The following HAPLN3 variants were observed in gnomAD, a reference collection of about 807,000 sequenced individuals.
HAPLN3 encodes extracellular link domain containing, 1.
In HAPLN3, 28 loss-of-function variants were observed where a neutral mutation model predicts 28.1. The ratio of observed to expected loss-of-function variants is 1.00; its 90% confidence interval spans 0.74 to 1.37. The LOEUF (loss-of-function observed/expected upper bound fraction) is 1.37. HAPLN3 is among the 40% of genes most tolerant of loss of function. The pLI, the probability that HAPLN3 is intolerant of heterozygous loss-of-function variation, is 0.00. For synonymous variants in HAPLN3, 211 were observed against 213.1 expected (o/e 0.99, Z 0.09); for missense variants, 513 against 504.6 (o/e 1.02, Z -0.16).
chr15:88,892,875 C>T (rs1026687058), intron 1 of HAPLN3: 12 of 1,296,286 alleles, frequency 9.3e-6, no homozygotes, highest in Non-Finnish European at 1.3e-5. Context: ...GATGGGTAGC[C>T]TCTGCTCCCC....
At chr15:88,883,417 C>T (rs188943427) in intron 2 of HAPLN3, among the ~76,000 whole-genome samples, 2 of 152,326 alleles carry the variant, frequency 1.3e-5, no homozygotes, top group East Asian at 3.9e-4. Flanking sequence ...TCAGCTTCCC[C>T]ATTTGTAGAA....
chr15:88,894,118 A>T (rs1165549874), intron 1 of HAPLN3, among the ~76,000 whole-genome samples: 1 of 152,174 alleles, frequency 6.6e-6, no homozygotes, highest in Non-Finnish European at 1.5e-5. Flanking sequence ...GTGAAGTCTT[A>T]CACCATCTCA....
chr15:88,892,873 GCCTCTGCTCCCCTAC>G, intron 1 of HAPLN3: 1 of 1,277,058 alleles, frequency 7.8e-7, no homozygotes, highest in Non-Finnish European at 1.1e-6. Context: ...GGGATGGGTA[GCCTCTGCTCCCCTAC>G]CATGGCTATC....
Position 88,877,644 on chromosome 15 carries a change from C to T in HAPLN3, c.*326G>A, listed in dbSNP as rs983655704. 7 of 250,292 alleles carry T rather than the reference C, an allele frequency of 2.8e-5. No individual in the cohort carries two copies. Among genetic ancestry groups the T allele is most frequent in the African/African-American group, 9.0e-5 (4 of 44,314 alleles). 15.5% of individuals were successfully genotyped at this position (250,292 alleles called of 1,614,324 possible). On this transcript the variant is annotated 3_prime_UTR_variant, in exon 5 of 5. Coordinates refer to ENST00000359595, the MANE Select transcript of HAPLN3 (RefSeq NM_178232.4). This position sits in a 1 kb window ranked among gnomAD's most constrained non-coding sequence, Gnocchi z 5.1. ...GTGCCCACCATGCCCGGACTCCCGG[C>T]GGCATTCTAGACAGGCCACCGCCCA...
At position 88,879,328 on chromosome 15, in the gene HAPLN3, C is replaced by A; in HGVS notation, c.494-59G>T. Reference sequence around the variant, plus strand: ...GCCAGGGGCCCAGCTGGCTGGACACCCCGCTCTCCTCCCACCTTCACTGGG... The same window carrying A: ...GCCAGGGGCCCAGCTGGCTGGACACACCGCTCTCCTCCCACCTTCACTGGG... On this transcript the variant is annotated intron_variant, in intron 3 of 4. Coordinates refer to ENST00000359595, the MANE Select transcript of HAPLN3 (RefSeq NM_178232.4). This position sits in a 1 kb window ranked among gnomAD's most constrained non-coding sequence, Gnocchi z 5.0. The A allele has an allele frequency of 6.3e-7, 1 of 1,598,216 alleles. No individual in the cohort carries two copies. Among genetic ancestry groups the A allele is most frequent in the South Asian group, 1.1e-5 (1 of 90,638 alleles).
intron 1 of HAPLN3, among the ~76,000 whole-genome samples, chr15:88,887,761 T>C (rs374215944): frequency 1.3e-5 from 2 of 151,958 alleles, no homozygotes; most frequent in East Asian, 1.9e-4. Flanking sequence ...GTTGGGAGTT[T>C]GAGGCCAGCC....
At position 88,877,949 on chromosome 15, in the gene HAPLN3, G is replaced by A. The variant is rs377077889; in HGVS notation, c.*21C>T. Reference sequence around the variant, plus strand: ...AAATACACAGCCAGTGAGGGAATGCGGCAGGGGAGGGCCCCAGGTCCTAGT... The same window carrying A: ...AAATACACAGCCAGTGAGGGAATGCAGCAGGGGAGGGCCCCAGGTCCTAGT... On this transcript the variant is annotated 3_prime_UTR_variant, in exon 5 of 5. Transcript: ENST00000359595. The surrounding 1 kb of genome is among the most constrained non-coding windows in gnomAD (Gnocchi z 5.1). 25 of 1,567,028 alleles carry A rather than the reference G, an allele frequency of 1.6e-5. No homozygotes were observed. Among genetic ancestry groups the A allele is most frequent in the Admixed American group, 3.7e-5 (2 of 53,908 alleles).
At chr15:88,883,905 C>T (rs1174123978) in intron 2 of HAPLN3, among the ~76,000 whole-genome samples, 1 of 151,904 alleles carries the variant, frequency 6.6e-6, no homozygotes, top group African/African-American at 2.4e-5. Flanking sequence ...CGGTGAAGCC[C>T]CATCTCTACT....
At chr15:88,878,859 A>C in intron 4 of HAPLN3, 108 bp downstream of exon 4, 1 of 1,218,620 alleles carries the variant, frequency 8.2e-7, no homozygotes, top group South Asian at 1.6e-5. Flanking sequence ...TCCAGGTGGC[A>C]GTACCAGCAG....
chr15:88,892,045 G>A (rs1898025915), intron 1 of HAPLN3, among the ~76,000 whole-genome samples: 1 of 152,168 alleles, frequency 6.6e-6, no homozygotes, highest in Non-Finnish European at 1.5e-5. Flanking sequence ...GTGAGAAAGG[G>A]CTTCCTAAGG....
chr15:88,887,289 A>G lies in HAPLN3; in HGVS notation c.10T>C (p.Leu4=). The part of the protein sequence containing the change: MGL[L]LLVPLLLLPG... ...AGCAGGAGCAACGGGACCAGGAGCA[A>G]CAGGCCCATCTCCTCATGCCAGGGT... is the stretch of plus-strand genomic sequence containing the variant. Residue 4 remains leucine, a synonymous_variant, in exon 2 of 5, where the codon TTG becomes CTG. Coordinates refer to ENST00000359595, the MANE Select transcript of HAPLN3 (RefSeq NM_178232.4). 2 of 1,614,082 alleles carry G rather than the reference A, an allele frequency of 1.2e-6. No homozygotes were observed. The highest frequency in any genetic ancestry group is 1.7e-5 in the Admixed American group (1 of 60,008).
intron 2 of HAPLN3, among the ~76,000 whole-genome samples, chr15:88,883,865 G>A (rs1327951103): frequency 1.3e-5 from 2 of 151,404 alleles, no homozygotes; most frequent in African/African-American, 4.9e-5. Flanking sequence ...ATCACTTGAG[G>A]CCACGAGTTC....
chr15:88,880,183 C>T lies in HAPLN3; in HGVS notation c.494-914G>A, dbSNP rs762519823. On this transcript the variant is annotated intron_variant, in intron 3 of 4. Transcript: ENST00000359595. The surrounding 1 kb of genome is among the most constrained non-coding windows in gnomAD (Gnocchi z 6.0). ...AGGGGGACTATTTCATGCCTGGTTC[C>T]ACCCCAAATTCCTAGCCCTTGAAGC... 45 of 994,844 alleles carry T rather than the reference C, an allele frequency of 4.5e-5. No homozygotes were observed. Among genetic ancestry groups the T allele is most frequent in the Non-Finnish European group, 5.1e-5 (43 of 836,212 alleles). The allele number at this position is 994,844 out of a possible 1,614,324, so 61.6% of individuals were successfully genotyped here.
Position 88,887,178 on chromosome 15 carries a change from T to C in HAPLN3, c.121A>G (p.Lys41Glu). 1 of 1,614,136 alleles carries C rather than the reference T, an allele frequency of 6.2e-7. No homozygotes were observed. The highest frequency in any genetic ancestry group is 8.5e-7 in the Non-Finnish European group (1 of 1,180,020). The change falls in exon 2 of 5, where the codon AAA becomes GAA. Residue 41 changes from lysine (K) to glutamate (E), a missense_variant. Lys to Glu is a moderately conservative substitution (Grantham distance 56). Coordinates refer to ENST00000359595, the MANE Select transcript of HAPLN3 (RefSeq NM_178232.4). ...CCGGGTGCAGGAGGTCGCCTACCTTTGCCATGACCGTTGCCTAGGTTCTGG... is the reference window on the plus strand; with the variant it reads ...CCGGGTGCAGGAGGTCGCCTACCTTCGCCATGACCGTTGCCTAGGTTCTGG... ...NDQNLGNGHGKDLLNGVKLVV... is the reference protein window; with the variant it reads ...NDQNLGNGHGEDLLNGVKLVV...
rs550358623 is a variant in HAPLN3, at chr15:88,877,997, G to A, written c.1056C>T (p.Tyr352=). ...AGTGCTGGCGGTAGCAGTAAACACCGTACAAGCGGCTCTGCGGGTCGGGGA... is the reference window on the plus strand; with the variant it reads ...AGTGCTGGCGGTAGCAGTAAACACCATACAAGCGGCTCTGCGGGTCGGGGA... ...FGFPDPQSRL[Y]GVYCYRQH is the part of the protein sequence containing the mutation. Residue 352 remains tyrosine, a synonymous_variant, in exon 5 of 5, where the codon TAC becomes TAT. Transcript: ENST00000359595. This position sits in a 1 kb window ranked among gnomAD's most constrained non-coding sequence, Gnocchi z 5.1. 91 of 1,612,708 alleles carry A rather than the reference G, an allele frequency of 5.6e-5. 1 individual carries two copies. In the East Asian group the frequency reaches 1.3e-3, roughly 23 times the overall value.
Position 88,880,645 on chromosome 15 carries a change from C to A in HAPLN3, c.493+712G>T, listed in dbSNP as rs1385559543. On this transcript the variant is annotated intron_variant, in intron 3 of 4. Transcript: ENST00000359595. The surrounding 1 kb of genome is among the most constrained non-coding windows in gnomAD (Gnocchi z 6.0). ...GAGAAGGTAAATACAAATTAAAGAT[C>A]AAACAGGGACCCCACATACAAGATC... 2 of 1,268,658 alleles carry A rather than the reference C, an allele frequency of 1.6e-6. No individual in the cohort carries two copies. The highest frequency in any genetic ancestry group is 3.1e-5 in the African/African-American group (2 of 65,320). The allele number at this position is 1,268,658 out of a possible 1,614,324, so 78.6% of individuals were successfully genotyped here.
rs1444711159 is a variant in HAPLN3, at chr15:88,878,050, G to C, written c.1003C>G (p.Pro335Ala). The change falls in exon 5 of 5, where the codon CCA (proline) becomes GCA (alanine). Residue 335 changes from proline to alanine, a missense_variant. Physicochemically the swap from Pro to Ala is conservative, Grantham distance 27. Transcript: ENST00000359595. ...CCAAAGCTTCGGACCCCAGGCTCTG[G>C]GGGCCCACAGTTAGGATGCGGGTGA... ...VVHPHPNCGP[P>A]EPGVRSFGFP... 10 of 1,613,970 alleles carry C rather than the reference G, an allele frequency of 6.2e-6. No individual in the cohort carries two copies. The highest frequency in any genetic ancestry group is 2.2e-5 in the East Asian group (1 of 44,882).
In HAPLN3 at chr15:88,889,136, G is replaced by A. The variant is rs916114855; in HGVS notation, c.-47-1791C>T. On this transcript the variant is annotated intron_variant, in intron 1 of 4. Transcript: ENST00000359595. ...CATAGAGTGTCTGCTGCTGCTGCTGGCCTCTGCGTCCCCCACTTCCTTGTT... is the reference window on the plus strand; with the variant it reads ...CATAGAGTGTCTGCTGCTGCTGCTGACCTCTGCGTCCCCCACTTCCTTGTT... Among the ~76,000 whole-genome samples the A allele has an allele frequency of 6.6e-5, 10 of 152,260 alleles. No homozygotes were observed. The South Asian group carries it at 2.1e-3, about 32-fold the overall frequency.
intron 2 of HAPLN3, among the ~76,000 whole-genome samples, chr15:88,886,618 A>G (rs1023917264): frequency 6.6e-6 from 1 of 152,140 alleles, no homozygotes; most frequent in Admixed American, 6.5e-5. Flanking sequence ...TGAGGTCAGG[A>G]GTTCAAGACC....
Sources: allele counts gnomAD v4.1 joint callset (sites outside exome capture counted in the v4.1 genomes callset), GRCh38; gene constraint gnomAD v4.1.1; non-coding constraint Gnocchi (gnomAD v3.1); transcripts MANE v1.5; gene names NCBI Gene and HGNC (gene_info 2026-07-23, HGNC 2026-07-21).